The following COL1A1 variants were observed in gnomAD, a reference collection of about 807,000 sequenced individuals.
COL1A1 encodes collagen type I alpha 1 chain.
Under a neutral mutation model 195.7 loss-of-function variants are expected in COL1A1, and 21 were observed. The ratio of observed to expected loss-of-function variants is 0.11; its 90% CI spans 0.08 to 0.15. COL1A1 has a LOEUF of 0.15. COL1A1 is among the 10% of genes least tolerant of loss of function. The pLI, the probability that COL1A1 is intolerant of heterozygous loss-of-function variation, is 1.00. For synonymous variants in COL1A1, 749 were observed against 747.3 expected (o/e 1.00, Z -0.04); for missense variants, 1,365 against 2,051.0 (o/e 0.67, Z 6.46).
At chr17:50,200,579 G>T (rs926702075) in intron 1 of COL1A1, among the ~76,000 whole-genome samples, 1 of 152,186 alleles carries the variant, frequency 6.6e-6, no homozygotes, top group African/African-American at 2.4e-5. Flanking sequence ...ATGCCTCCAG[G>T]TCACTTTTAG....
At position 50,188,511 on chromosome 17, in the gene COL1A1, C is replaced by A. The variant is rs776620528; in HGVS notation, c.3207+19G>T. On this transcript the variant is annotated intron_variant, in intron 43 of 50. Coordinates refer to ENST00000225964, the MANE Select transcript of COL1A1 (RefSeq NM_000088.4). This position sits in a 1 kb window ranked among gnomAD's most constrained non-coding sequence, Gnocchi z 5.6. ...CCCTGGCCTGACCAGGTACAGGGAA[C>A]TGGAGCCCAGCTACTTACAGTCTCA... 2 of 1,612,100 alleles carry A rather than the reference C, an allele frequency of 1.2e-6. No homozygotes were observed. Among genetic ancestry groups the A allele is most frequent in the Admixed American group, 1.7e-5 (1 of 60,022 alleles).
rs556455834 is a variant in COL1A1 at position 50,201,571 on chromosome 17, A to G, written c.-58T>C. On this transcript the variant is annotated 5_prime_UTR_variant, in exon 1 of 51. An upstream start codon of the reference 5' UTR is lost. Coordinates refer to ENST00000225964, the MANE Select transcript of COL1A1 (RefSeq NM_000088.4). The stretch of plus-strand genomic sequence containing the variant: ...CTGGGGAGGGGGTTAGCGTCCGCTC[A>G]TGCGTGGCCTCACACTCCGCGTGCC... The G allele has an allele frequency of 1.4e-5, 21 of 1,490,952 alleles. No individual in the cohort carries two copies. Among genetic ancestry groups the G allele is most frequent in the Non-Finnish European group, 1.7e-5 (19 of 1,099,688 alleles). 92.4% of individuals were successfully genotyped at this position (1,490,952 alleles called of 1,614,324 possible).
rs1800214 is a variant in COL1A1, at chr17:50,190,093, G to C, written c.2467C>G (p.Pro823Ala). ...TCACCAGGTTCGCCTTTAGCACCAG[G>C]TTGGCCGTCAGCACCCTGGGGGAGG... The part of the protein sequence containing the change: ...FAGPPGADGQ[P>A]GAKGEPGDAG... The change falls in exon 36 of 51, where the codon CCT (proline) becomes GCT (alanine). Residue 823 changes from proline (P) to alanine (A), a missense_variant. Physicochemically the swap from Pro to Ala is conservative, Grantham distance 27 (BLOSUM62 -1). Around this residue, in one of 5 missense-constraint regions of COL1A1, gnomAD observed 671 missense variants for 1,099.9 expected, o/e 0.61. Coordinates refer to ENST00000225964, the MANE Select transcript of COL1A1 (RefSeq NM_000088.4). The surrounding 1 kb of genome is among the most constrained non-coding windows in gnomAD (Gnocchi z 4.7). The C allele has an allele frequency of 3.8e-4, 617 of 1,613,440 alleles. No homozygotes were observed. Among genetic ancestry groups the C allele is most frequent in the Admixed American group, 6.5e-4 (39 of 59,958 alleles).
Position 50,184,200 on chromosome 17 carries a change from C to T in COL1A1, c.*1302G>A, listed in dbSNP as rs1287957208. The T allele has an allele frequency of 1.3e-5, 3 of 228,376 alleles. No homozygotes were observed. 14.1% of individuals were successfully genotyped at this position (228,376 alleles called of 1,614,324 possible). On this transcript the variant is annotated 3_prime_UTR_variant, in exon 51 of 51. Transcript: ENST00000225964. ...AAATAGGTACAGAGTCTTTTGCTTC[C>T]TCCCACCCCTAGGGGGAAAAACTGC...
rs781051294 is a variant in COL1A1 at position 50,190,039 on chromosome 17, G to A, written c.2521C>T (p.Pro841Ser). 1 of 1,613,808 alleles carries A rather than the reference G, an allele frequency of 6.2e-7. No homozygotes were observed. The highest frequency in any genetic ancestry group is 1.1e-5 in the South Asian group (1 of 91,070). Residue 841 changes from proline to serine, a missense_variant, in exon 36 of 51, where the codon CCT (proline) becomes TCT (serine). Transcript: ENST00000225964. This position sits in a 1 kb window ranked among gnomAD's most constrained non-coding sequence, Gnocchi z 4.7. ...DAGAKGDAGP[P>S]GPAGPAGPPG... is the part of the protein sequence containing the mutation. ...GGTCCAGCGGGTCCGGCAGGGCCAG[G>A]GGGACCAGCATCGCCTTTAGCACCA...
chr17:50,195,898 C>T lies in COL1A1; in HGVS notation c.1056+25G>A. ...AACCCCTTGGCCCATGAGGGTCATG[C>T]TTAGAGGAGAGTGGGGGGTCTCACC... On this transcript the variant is annotated intron_variant, in intron 16 of 50. Transcript: ENST00000225964. This position sits in a 1 kb window ranked among gnomAD's most constrained non-coding sequence, Gnocchi z 4.3. 6.4e-7 allele frequency: 1 copy of T among 1,566,732 alleles called. No individual in the cohort carries two copies.
Position 50,186,794 on chromosome 17 carries a change from A to C in COL1A1, c.3660T>G (p.Asp1220Glu), listed in dbSNP as rs150751153. The part of the protein sequence containing the change: ...HDGGRYYRAD[D>E]ANVVRDRDLE... Reference sequence around the variant, plus strand: ...GGTCACGGTCACGAACCACATTGGCATCATCAGCCCGGTAGTAGCGGCCAC... The same window carrying C: ...GGTCACGGTCACGAACCACATTGGCCTCATCAGCCCGGTAGTAGCGGCCAC... Residue 1220 changes from aspartate to glutamate, a missense_variant, in exon 48 of 51, where the codon GAT becomes GAG. Around this residue, in one of 5 missense-constraint regions of COL1A1, gnomAD observed 671 missense variants for 1,099.9 expected, o/e 0.61. Coordinates refer to ENST00000225964, the MANE Select transcript of COL1A1 (RefSeq NM_000088.4). This position sits in a 1 kb window ranked among gnomAD's most constrained non-coding sequence, Gnocchi z 5.3. 6.2e-7 allele frequency: 1 copy of C among 1,614,012 alleles called. No homozygotes were observed. The highest frequency in any genetic ancestry group is 1.3e-5 in the African/African-American group (1 of 74,902).
rs201256042 is a variant in COL1A1 at position 50,186,009 on chromosome 17, G to T, written c.4017C>A (p.Gly1339=). The T allele has an allele frequency of 6.2e-6, 10 of 1,613,086 alleles. No homozygotes were observed. The highest frequency in any genetic ancestry group is 1.1e-5 in the South Asian group (1 of 91,076). ...CATCGGCAGGGTCGGAGCCCTGGCC[G>T]CCATACTCGAACTGCAGGGGAGGGG... ...SMTDGFQFEY[G]GQGSDPADVA... The change falls in exon 50 of 51, where the codon GGC becomes GGA. Residue 1339 remains glycine, a synonymous_variant. Transcript: ENST00000225964. This position sits in a 1 kb window ranked among gnomAD's most constrained non-coding sequence, Gnocchi z 5.3.
In COL1A1 at chr17:50,199,366, C is replaced by T. The variant is rs1392532976; in HGVS notation, c.370-39G>A. The stretch of plus-strand genomic sequence containing the variant: ...GGGCGGGGCCGGGGTGAGCGTGGGG[C>T]CGAGAGCCATGCCCACCTGCAGCCC... On this transcript the variant is annotated intron_variant, in intron 4 of 50. Coordinates refer to ENST00000225964, the MANE Select transcript of COL1A1 (RefSeq NM_000088.4). 3.1e-6 allele frequency: 5 copies of T among 1,606,782 alleles called. No individual in the cohort carries two copies. The Admixed American group carries it at 5.1e-5, about 16-fold the overall frequency.
Position 50,199,907 on chromosome 17 carries a change from A to T in COL1A1, c.144T>A (p.His48Gln), listed in dbSNP as rs374065372. ...ITCVQNGLRY[H>Q]DRDVWKPEPC... Reference sequence around the variant, plus strand: ...GCTCGGGTTTCCACACGTCTCGGTCATGGTACCTGAGGCCGTTCTGTACGC... The same window carrying T: ...GCTCGGGTTTCCACACGTCTCGGTCTTGGTACCTGAGGCCGTTCTGTACGC... Residue 48 changes from histidine (H) to glutamine (Q), a missense_variant, in exon 2 of 51, where the codon CAT becomes CAA. His to Gln is a conservative substitution (Grantham distance 24, BLOSUM62 0). Around this residue, in one of 5 missense-constraint regions of COL1A1, gnomAD observed 194 missense variants for 221.7 expected, o/e 0.88. Transcript: ENST00000225964. 188 of 1,614,008 alleles carry T rather than the reference A, an allele frequency of 1.2e-4. No individual in the cohort carries two copies. Among genetic ancestry groups the T allele is most frequent in the Non-Finnish European group, 1.5e-4 (174 of 1,180,026 alleles).
Position 50,189,676 on chromosome 17 carries a change from T to C in COL1A1, c.2667+3A>G. 6.2e-7 allele frequency: 1 copy of C among 1,613,484 alleles called. No individual in the cohort carries two copies. The stretch of plus-strand genomic sequence containing the variant: ...AGCAGTGGACTCTGCTGCAGAGACT[T>C]ACAGAGGGGCCAGGAGGACCGACTC... On this transcript the variant is annotated splice_donor_region_variant and intron_variant, in intron 38 of 50. Coordinates refer to ENST00000225964, the MANE Select transcript of COL1A1 (RefSeq NM_000088.4). The surrounding 1 kb of genome is among the most constrained non-coding windows in gnomAD (Gnocchi z 5.5).
chr17:50,199,824 T>G lies in COL1A1; in HGVS notation c.227A>C (p.Asp76Ala). 6.2e-7 allele frequency: 1 copy of G among 1,613,994 alleles called. No homozygotes were observed. The highest frequency in any genetic ancestry group is 8.5e-7 in the Non-Finnish European group (1 of 1,179,980). ...GKVLCDDVIC[D>A]ETKNCPGAEV... is the part of the protein sequence containing the mutation. ...GGCGCCGGGGCAGTTCTTGGTCTCGTCACAGATCACGTCATCGCACAACAC... is the reference window on the plus strand; with the variant it reads ...GGCGCCGGGGCAGTTCTTGGTCTCGGCACAGATCACGTCATCGCACAACAC... Residue 76 changes from aspartate (D) to alanine (A), a missense_variant, in exon 2 of 51, where the codon GAC becomes GCC. Asp to Ala is a moderately radical substitution (Grantham distance 126). Around this residue, in one of 5 missense-constraint regions of COL1A1, gnomAD observed 194 missense variants for 221.7 expected, o/e 0.88. Transcript: ENST00000225964.
chr17:50,191,420 C>A lies in COL1A1; in HGVS notation c.2198G>T (p.Arg733Leu). The change falls in exon 32 of 51, where the codon CGT becomes CTT. Residue 733 changes from arginine to leucine, a missense_variant. Coordinates refer to ENST00000225964, the MANE Select transcript of COL1A1 (RefSeq NM_000088.4). ...APGLQGMPGE[R>L]GAAGLPGPKG... ...AGGCCCTGGAAGACCAGCTGCACCA[C>A]GTTCACCAGGCATTCCCTGAAGGCC... 3.7e-6 allele frequency: 6 copies of A among 1,614,048 alleles called. No individual in the cohort carries two copies. Among genetic ancestry groups the A allele is most frequent in the Non-Finnish European group, 5.1e-6 (6 of 1,179,946 alleles).
At chr17:50,196,013 G>A (rs1173680493) in intron 15 of COL1A1, 37 bp from the exon 16 acceptor site, 6 of 1,598,896 alleles carry the variant, frequency 3.8e-6, no homozygotes, top group Non-Finnish European at 5.1e-6. Flanking sequence ...AGAAGGAAGA[G>A]ATGGCAGCTG....
chr17:50,196,860 G>A (rs539778428), intron 11 of COL1A1, 150 bp downstream of exon 11: 89 of 1,084,644 alleles, frequency 8.2e-5, no homozygotes, highest in Non-Finnish European at 1.1e-4. Flanking sequence ...CATGGAGGGA[G>A]GTGCTTTTGG....
Position 50,188,071 on chromosome 17 carries a change from A to G in COL1A1, c.3261+25T>C. 1.9e-6 allele frequency: 3 copies of G among 1,613,072 alleles called. No homozygotes were observed. Among genetic ancestry groups the G allele is most frequent in the South Asian group, 2.2e-5 (2 of 90,906 alleles). On this transcript the variant is annotated intron_variant, in intron 44 of 50. Transcript: ENST00000225964. The surrounding 1 kb of genome is among the most constrained non-coding windows in gnomAD (Gnocchi z 5.6). ...TCTGCATCTGTAGAGTTCTAAAGGCATGGGGGACACAGCAGGGTACTTACG... is the reference window on the plus strand; with the variant it reads ...TCTGCATCTGTAGAGTTCTAAAGGCGTGGGGGACACAGCAGGGTACTTACG...
rs1486592322 is a variant in COL1A1 at position 50,186,677 on chromosome 17, G to A, written c.3777C>T (p.Cys1259=). 1.9e-6 allele frequency: 3 copies of A among 1,613,620 alleles called. No homozygotes were observed. The highest frequency in any genetic ancestry group is 1.3e-5 in the African/African-American group (1 of 74,930). The change falls in exon 48 of 51, where the codon TGC becomes TGT. Residue 1259 remains cysteine, a synonymous_variant. Transcript: ENST00000225964. This position sits in a 1 kb window ranked among gnomAD's most constrained non-coding sequence, Gnocchi z 5.3. The part of the protein sequence containing the change: ...EGSRKNPART[C]RDLKMCHSDW... ...CAGAGTGGCACATCTTGAGGTCACG[G>A]CAGGTGCGGGCGGGGTTCTTGCGGC...
Position 50,191,508 on chromosome 17 carries a change from A to C in COL1A1, c.2128-18T>G. On this transcript the variant is annotated intron_variant, in intron 31 of 50. Transcript: ENST00000225964. ...GCATCACCCTATGTGACAACCAAGA[A>C]GACTGGAGTGAGGCCTGGGGCCCCA... 1 of 1,612,348 alleles carries C rather than the reference A, an allele frequency of 6.2e-7. No individual in the cohort carries two copies. The highest frequency in any genetic ancestry group is 1.7e-5 in the Admixed American group (1 of 60,002).
rs924294540 is a variant in COL1A1, at chr17:50,184,292, C to T, written c.*1210G>A. The T allele has an allele frequency of 3.9e-5, 9 of 231,318 alleles. No individual in the cohort carries two copies. Among genetic ancestry groups the T allele is most frequent in the Non-Finnish European group, 6.9e-5 (8 of 116,786 alleles). The allele number at this position is 231,318 out of a possible 1,614,324, so 14.3% of individuals were successfully genotyped here. ...GACGCAGGACAGACTAGGAGGGAGC[C>T]GGGAGGATGGGCTGCAGCTGTGGAG... On this transcript the variant is annotated 3_prime_UTR_variant, in exon 51 of 51. Coordinates refer to ENST00000225964, the MANE Select transcript of COL1A1 (RefSeq NM_000088.4).
Sources: allele counts gnomAD v4.1 joint callset (sites outside exome capture counted in the v4.1 genomes callset), GRCh38; gene constraint gnomAD v4.1.1; regional missense constraint gnomAD v4.1.1; non-coding constraint Gnocchi (gnomAD v3.1); transcripts MANE v1.5; gene names NCBI Gene and HGNC (gene_info 2026-07-23, HGNC 2026-07-21).